The following ABCA5 variants were observed in gnomAD, a reference collection of about 807,000 sequenced individuals.
ABCA5 encodes ATP binding cassette subfamily A member 5, also known as cholesterol transporter ABCA5.
ABCA5 carries 163 observed loss-of-function variants against 206.0 expected under a neutral mutation model. The observed-to-expected ratio is 0.79, with a 90% confidence interval of 0.70 to 0.90. The LOEUF (loss-of-function observed/expected upper bound fraction) is 0.90. Among genes scored for constraint, ABCA5 ranks in the 40% least tolerant of loss-of-function variants. ABCA5 has a pLI of 0.00. For synonymous variants in ABCA5, 609 were observed against 613.8 expected (o/e 0.99, Z 0.11); for missense variants, 1,859 against 1,912.9 (o/e 0.97, Z 0.53).
In ABCA5 at chr17:69,326,372, T is replaced by C. The variant is rs1208362549; in HGVS notation, c.-16+680A>G. Among the ~76,000 whole-genome samples, 1 of 152,194 alleles carries C rather than the reference T, an allele frequency of 6.6e-6. No individual in the cohort carries two copies. The highest frequency in any genetic ancestry group is 1.5e-5 in the Non-Finnish European group (1 of 68,030). ...TTCATTATTTTCGGACTTATTTATT[T>C]AAAACGTAAATCGAAGCCTGAGGAG... is the stretch of plus-strand genomic sequence containing the variant. On this transcript the variant is annotated intron_variant, in intron 1 of 38. Coordinates refer to ENST00000392676, the MANE Select transcript of ABCA5 (RefSeq NM_172232.4). This position sits in a 1 kb window ranked among gnomAD's most constrained non-coding sequence, Gnocchi z 4.8.
chr17:69,323,326 C>T (rs2075878550), intron 1 of ABCA5, among the ~76,000 whole-genome samples: 1 of 152,186 alleles, frequency 6.6e-6, no homozygotes, highest in Admixed American at 6.5e-5. Context: ...ATTGCTCTAA[C>T]TATGCACTAA....
chr17:69,263,730 T>C (rs1050713956), intron 24 of ABCA5, among the ~76,000 whole-genome samples: 2 of 125,752 alleles, frequency 1.6e-5, no homozygotes, highest in African/African-American at 6.1e-5. Context: ...AAAGTCTCTC[T>C]CTGTTGCCCA....
chr17:69,264,594 A>G lies in ABCA5; in HGVS notation c.3315+141T>C, dbSNP rs550036228. ...CTTATCATATAAAATGATTACATGT[A>G]TTAAATACCAGACACACTTGCTCTA... On this transcript the variant is annotated intron_variant, in intron 24 of 38. Transcript: ENST00000392676. 1.1e-4 allele frequency: 48 copies of G among 454,524 alleles called. 1 individual carries two copies. The highest frequency in any genetic ancestry group is 8.1e-4 in the African/African-American group (40 of 49,336). 28.2% of individuals were successfully genotyped at this position (454,524 alleles called of 1,614,324 possible). A position where few individuals can be genotyped will look rare whatever the true frequency, so the allele number is the denominator to read the frequency against.
intron 32 of ABCA5, 65 bp from the exon 33 acceptor site, chr17:69,253,934 G>A: frequency 7.5e-7 from 1 of 1,332,388 alleles, no homozygotes; most frequent in South Asian, 1.3e-5. Context: ...CCAACTGGGT[G>A]TGATCCCTGA....
chr17:69,294,433 A>G (rs895142586), intron 11 of ABCA5, among the ~76,000 whole-genome samples: 14 of 152,138 alleles, frequency 9.2e-5, no homozygotes, highest in African/African-American at 2.9e-4. Flanking sequence ...AAGGCAGGCG[A>G]ATCACTTGAA....
chr17:69,264,254 C>G (rs2075183277), intron 24 of ABCA5, among the ~76,000 whole-genome samples: 1 of 152,106 alleles, frequency 6.6e-6, no homozygotes, highest in Non-Finnish European at 1.5e-5. Flanking sequence ...GATCTTTCAT[C>G]TCCTCTGTTA....
rs1395378365 is a variant in ABCA5 at position 69,271,163 on chromosome 17, T to G, written c.2891A>C (p.Lys964Thr). ...SAALNVMHSEKDYVFAAVFNS... is the reference protein window; with the variant it reads ...SAALNVMHSETDYVFAAVFNS... Reference sequence around the variant, plus strand: ...ATTCATTCACTGCATTCATCTTACCTTTTCTGAATGCATCACATTTAAAGC... The same window carrying G: ...ATTCATTCACTGCATTCATCTTACCGTTTCTGAATGCATCACATTTAAAGC... The change falls in exon 21 of 39, where the codon AAG (lysine) becomes ACG (threonine). Residue 964 changes from lysine (K) to threonine (T), a missense_variant and splice_region_variant. Physicochemically the swap from Lys to Thr is moderately conservative, Grantham distance 78. Transcript: ENST00000392676. 1 of 1,609,420 alleles carries G rather than the reference T, an allele frequency of 6.2e-7. No individual in the cohort carries two copies. The highest frequency in any genetic ancestry group is 1.1e-5 in the South Asian group (1 of 89,796).
intron 9 of ABCA5, among the ~76,000 whole-genome samples, chr17:69,300,665 AGTACAGGT>A (rs1254822777): frequency 6.6e-6 from 1 of 152,228 alleles, no homozygotes; most frequent in Non-Finnish European, 1.5e-5. Context: ...CATACAGGAC[AGTACAGGT>A]GTAGAATACA....
chr17:69,272,508 C>T (rs1410658955), intron 20 of ABCA5, among the ~76,000 whole-genome samples: 1 of 151,346 alleles, frequency 6.6e-6, no homozygotes. Flanking sequence ...ATCCAAGTTC[C>T]TTTAAAAAAA....
At chr17:69,304,262 T>C (rs2075692765) in intron 7 of ABCA5, 1 of 152,714 alleles carries the variant, frequency 6.5e-6, no homozygotes, top group South Asian at 2.1e-4. Context: ...CAAATGAATA[T>C]CAAGACTGCT....
At chr17:69,282,684 A>C (rs1242178320) in intron 18 of ABCA5, among the ~76,000 whole-genome samples, 1 of 151,718 alleles carries the variant, frequency 6.6e-6, no homozygotes, top group Non-Finnish European at 1.5e-5. Context: ...CAGCAGGAGA[A>C]TCACTTGGAC....
At position 69,251,760 on chromosome 17, in the gene ABCA5, A is replaced by G; in HGVS notation, c.4522T>C (p.Ser1508Pro). The G allele has an allele frequency of 6.2e-7, 1 of 1,613,864 alleles. No individual in the cohort carries two copies. The highest frequency in any genetic ancestry group is 8.5e-7 in the Non-Finnish European group (1 of 1,179,954). Residue 1508 changes from serine (S) to proline (P), a missense_variant, in exon 35 of 39, where the codon TCT becomes CCT. Ser to Pro is a moderately conservative substitution (Grantham distance 74). Coordinates refer to ENST00000392676, the MANE Select transcript of ABCA5 (RefSeq NM_172232.4). ...TTAGACATCAACCTTAACTGCCCAG[A>G]CACCATGATAGCTACTCGATCACAG... ...AVCDRVAIMV[S>P]GQLRCIGTVQ... is the part of the protein sequence containing the mutation.
intron 11 of ABCA5, among the ~76,000 whole-genome samples, chr17:69,293,833 G>GGTGTGTGTGTGTGTGTGTGTGTGTGT (rs61315865): frequency 3.2e-5 from 4 of 123,726 alleles, no homozygotes; most frequent in African/African-American, 6.0e-5. Flanking sequence ...CAATCATACT[G>GGTGTGTGTGTGTGTGTGTGTGTGTGT]GTGTGTGTGT....
chr17:69,283,665 A>AT (rs1427872653), intron 18 of ABCA5, among the ~76,000 whole-genome samples: 2 of 152,002 alleles, frequency 1.3e-5, no homozygotes, highest in African/African-American at 2.4e-5. Context: ...TTATCTGAAA[A>AT]TTTCTGCCCT....
chr17:69,289,072 T>G, intron 14 of ABCA5, 105 bp downstream of exon 14: 1 of 1,122,300 alleles, frequency 8.9e-7, no homozygotes, highest in Non-Finnish European at 1.2e-6. Context: ...TACAGCATTT[T>G]ATGTACACTT....
chr17:69,256,290 A>G lies in ABCA5; in HGVS notation c.3732-7T>C. 1 of 1,522,088 alleles carries G rather than the reference A, an allele frequency of 6.6e-7. No individual in the cohort carries two copies. Among genetic ancestry groups the G allele is most frequent in the Non-Finnish European group, 8.9e-7 (1 of 1,127,874 alleles). 94.3% of individuals were successfully genotyped at this position (1,522,088 alleles called of 1,614,324 possible). ...AGACTTCGTTGAAAGGTTTCTACAT[A>G]TATATAATAAATATAAAAGACAGTA... On this transcript the variant is annotated splice_polypyrimidine_tract_variant and splice_region_variant and intron_variant, in intron 28 of 38. Transcript: ENST00000392676.
At chr17:69,263,837 C>T (rs1004913270) in intron 24 of ABCA5, among the ~76,000 whole-genome samples, 2 of 151,908 alleles carry the variant, frequency 1.3e-5, no homozygotes, top group Non-Finnish European at 2.9e-5. Flanking sequence ...GCTGGGACTA[C>T]AGGCGCATGC....
Position 69,264,884 on chromosome 17 carries a change from T to A in ABCA5, c.3166A>T (p.Lys1056Ter). ...NHKIKAYTQL[K>*]LSGLLPSAYW... ...GCAGATGGCAAAAGACCTGAAAGTTTAAGTTGAGTATAAGCTTTGATCTAA... is the reference window on the plus strand; with the variant it reads ...GCAGATGGCAAAAGACCTGAAAGTTAAAGTTGAGTATAAGCTTTGATCTAA... Residue 1056 changes from lysine (K) to a stop codon, truncating the protein, a stop_gained, in exon 24 of 39, where the codon AAA becomes TAA. Transcript: ENST00000392676. LOFTEE classifies it high-confidence loss of function. The A allele has an allele frequency of 6.5e-7, 1 of 1,550,278 alleles. No individual in the cohort carries two copies. Among genetic ancestry groups the A allele is most frequent in the Non-Finnish European group, 8.7e-7 (1 of 1,152,834 alleles).
intron 1 of ABCA5, chr17:69,315,557 G>C (rs1323066355): frequency 6.6e-6 from 1 of 152,282 alleles, no homozygotes; most frequent in African/African-American, 2.4e-5. Flanking sequence ...GGCCAAGGTG[G>C]GCAGATCACG....
Sources: gnomAD v4.1 joint callset for allele counts (sites outside exome capture counted in the v4.1 genomes callset) on GRCh38, gnomAD v4.1.1 for gene constraint, Gnocchi (gnomAD v3.1) non-coding constraint, MANE v1.5 for transcripts, NCBI Gene and HGNC (gene_info 2026-07-23, HGNC 2026-07-21) for gene names.